Variants in ROS1 observed in about 807,000 individuals in gnomAD.
The protein encoded by ROS1 is ROS proto-oncogene 1, receptor tyrosine kinase.
ROS1 carries 263 observed loss-of-function variants against 273.5 expected under a neutral mutation model. The observed-to-expected ratio is 0.96, with a 90% CI of 0.87 to 1.06. ROS1 has a LOEUF of 1.06. Ranked by LOEUF, ROS1 falls within the 50% of genes least tolerant of loss-of-function variation. The probability of loss-of-function intolerance (pLI) is 0.00; values close to 1 mark genes in which losing one functional copy is unlikely to be tolerated. For synonymous variants in ROS1, 1,008 were observed against 954.1 expected (o/e 1.06, Z -1.04); for missense variants, 2,833 against 2,751.1 (o/e 1.03, Z -0.67).
intron 31 of ROS1, among the ~76,000 whole-genome samples, chr6:117,339,504 A>G (rs1777750877): frequency 6.6e-6 from 1 of 152,134 alleles, no homozygotes; most frequent in Non-Finnish European, 1.5e-5. Flanking sequence ...CAGTTACGGT[A>G]TTATTTCCAG....
At chr6:117,379,241 G>C in intron 17 of ROS1, 82 bp from the exon 18 acceptor site, 1 of 788,782 alleles carries the variant, frequency 1.3e-6, no homozygotes, top group South Asian at 1.7e-5. Context: ...TTAAGCTATA[G>C]ATTTCTCTTT....
At chr6:117,326,665 C>T (rs1023418026) in intron 33 of ROS1, among the ~76,000 whole-genome samples, 2 of 152,028 alleles carry the variant, frequency 1.3e-5, no homozygotes, top group Non-Finnish European at 2.9e-5. Flanking sequence ...GAAGAGAGAG[C>T]TGAGTACCTT....
rs2128703388 is a variant in ROS1 at position 117,389,334 on chromosome 6, G to T, written c.1786+16C>A. 6.3e-7 allele frequency: 1 copy of T among 1,599,716 alleles called. No homozygotes were observed. The highest frequency in any genetic ancestry group is 1.1e-5 in the South Asian group (1 of 88,902). ...TCCAGCAAGGCCAGTAACCACACTG[G>T]GGACAGAGCACTCACTGGCTCCTAT... On this transcript the variant is annotated intron_variant, in intron 13 of 43. Coordinates refer to ENST00000368507, the MANE Select transcript of ROS1 (RefSeq NM_001378902.1).
At chr6:117,329,216 A>G (rs1776871297) in intron 33 of ROS1, 113 bp downstream of exon 33, 2 of 651,944 alleles carry the variant, frequency 3.1e-6, no homozygotes, top group East Asian at 2.6e-5. Flanking sequence ...CTTTAACTAA[A>G]GATCTTTGTG....
At chr6:117,417,909 T>G (rs1775454693) in intron 2 of ROS1, among the ~76,000 whole-genome samples, 1 of 152,210 alleles carries the variant, frequency 6.6e-6, no homozygotes, top group Non-Finnish European at 1.5e-5. Context: ...CACACCACAA[T>G]TCTGGTTCTG....
intron 4 of ROS1, among the ~76,000 whole-genome samples, chr6:117,410,060 G>A (rs1232000659): frequency 3.9e-5 from 6 of 152,284 alleles, no homozygotes; most frequent in African/African-American, 1.4e-4. Flanking sequence ...TCAGAGTTGT[G>A]CAATAATCAC....
intron 7 of ROS1, among the ~76,000 whole-genome samples, chr6:117,398,759 G>A (rs931519810): frequency 3.8e-4 from 57 of 151,134 alleles, no homozygotes; most frequent in Middle Eastern, 3.5e-3. Context: ...CGGATCACGA[G>A]GTCAGGAGAT....
At chr6:117,315,037 T>G (rs1386621392) in intron 39 of ROS1, among the ~76,000 whole-genome samples, 1 of 152,152 alleles carries the variant, frequency 6.6e-6, no homozygotes, top group African/African-American at 2.4e-5. Context: ...TTGAAAAGCA[T>G]AATTAATACC....
At chr6:117,358,068 C>CT (rs1779480936) in intron 24 of ROS1, 59 bp from the exon 25 acceptor site, 1 of 1,167,596 alleles carries the variant, frequency 8.6e-7, no homozygotes, top group African/African-American at 1.5e-5. Context: ...TATTTGAAGA[C>CT]TTTTCTATAT....
intron 36 of ROS1, among the ~76,000 whole-genome samples, chr6:117,320,943 A>G (rs1290659822): frequency 1.3e-5 from 2 of 152,052 alleles, no homozygotes; most frequent in African/African-American, 4.8e-5. Flanking sequence ...CCTCTCAAAC[A>G]CTGCCTCCAG....
At chr6:117,350,067 T>C (rs1020403555) in intron 27 of ROS1, among the ~76,000 whole-genome samples, 2 of 152,050 alleles carry the variant, frequency 1.3e-5, no homozygotes, top group African/African-American at 4.8e-5. Flanking sequence ...TACTTTCACT[T>C]ATTTATTCTC....
intron 14 of ROS1, among the ~76,000 whole-genome samples, chr6:117,387,378 T>G (rs564760818): frequency 6.6e-6 from 1 of 152,214 alleles, no homozygotes. Context: ...GGTATAGTCA[T>G]CCTTCCATTT....
chr6:117,360,976 C>T (rs906270924), intron 22 of ROS1, among the ~76,000 whole-genome samples: 2 of 152,028 alleles, frequency 1.3e-5, no homozygotes, highest in African/African-American at 2.4e-5. Context: ...ATAATTAAAT[C>T]TTACATTTGA....
rs1351565225 is a variant in ROS1 at position 117,341,120 on chromosome 6, G to T, written c.5061+15C>A. On this transcript the variant is annotated intron_variant, in intron 31 of 43. Transcript: ENST00000368507. The stretch of plus-strand genomic sequence containing the variant: ...ATTCTATATCATAAAATAAAGACTT[G>T]CATTAAAAGTCTACCTTCTGTAGCT... The T allele has an allele frequency of 1.3e-6, 2 of 1,548,734 alleles. No individual in the cohort carries two copies. Among genetic ancestry groups the T allele is most frequent in the Admixed American group, 1.9e-5 (1 of 53,506 alleles).
intron 18 of ROS1, among the ~76,000 whole-genome samples, chr6:117,372,825 A>G (rs1210927524): frequency 2.6e-5 from 4 of 152,248 alleles, no homozygotes; most frequent in African/African-American, 9.6e-5. Context: ...CAAAGCTTCT[A>G]CACTGTGGAA....
At chr6:117,419,829 T>C (rs761738051) in intron 1 of ROS1, among the ~76,000 whole-genome samples, 7 of 152,162 alleles carry the variant, frequency 4.6e-5, no homozygotes, top group Non-Finnish European at 8.8e-5. Context: ...TCCTGATGGC[T>C]CTTCTCAGGA....
intron 18 of ROS1, among the ~76,000 whole-genome samples, chr6:117,369,167 G>T (rs183673454): frequency 5.9e-5 from 9 of 152,090 alleles, no homozygotes; most frequent in African/African-American, 2.2e-4. Flanking sequence ...TTTCCTGATA[G>T]GTTTAAAAGG....
intron 27 of ROS1, among the ~76,000 whole-genome samples, chr6:117,352,786 C>CG (rs984850717): frequency 6.6e-5 from 10 of 152,212 alleles, no homozygotes; most frequent in African/African-American, 2.4e-4. Context: ...GCCCACCACA[C>CG]CCTGAGCTGT....
At position 117,316,289 on chromosome 6, in the gene ROS1, A is replaced by G. The variant is rs927181803; in HGVS notation, c.6117+854T>C. Among the ~76,000 whole-genome samples the G allele has an allele frequency of 2.7e-5, 3 of 113,054 alleles. No individual in the cohort carries two copies. In the Admixed American group the frequency reaches 2.9e-4, roughly 11 times the overall value. The allele number at this position is 113,054 out of a possible 152,430, so 74.2% of individuals were successfully genotyped here. A position where few individuals can be genotyped will look rare whatever the true frequency, so the allele number is the denominator to read the frequency against. Reference sequence around the variant, plus strand: ...TTAGGAACTTGGCGGTAAATACCACAAGATACATGCGGGGCCTGAGAGGTA... The same window carrying G: ...TTAGGAACTTGGCGGTAAATACCACGAGATACATGCGGGGCCTGAGAGGTA... On this transcript the variant is annotated intron_variant, in intron 39 of 43. Coordinates refer to ENST00000368507, the MANE Select transcript of ROS1 (RefSeq NM_001378902.1).
Sources: gnomAD v4.1 joint callset for allele counts (sites outside exome capture counted in the v4.1 genomes callset) on GRCh38, gnomAD v4.1.1 for gene constraint, MANE v1.5 for transcripts, NCBI Gene and HGNC (gene_info 2026-07-23, HGNC 2026-07-21) for gene names.